SRBD1: variants seen among roughly 807,000 people sequenced by gnomAD.
SRBD1 encodes the protein S1 RNA binding domain 1.
A neutral mutation model predicts 115.3 loss-of-function variants in SRBD1; 88 were observed. The ratio of observed to expected loss-of-function variants is 0.76; its 90% CI spans 0.64 to 0.91. The LOEUF is 0.91. Among genes scored for constraint, SRBD1 ranks in the 40% least tolerant of loss-of-function variants. The pLI, the probability that SRBD1 is intolerant of heterozygous loss-of-function variation, is 0.00. For missense variants in SRBD1, 1,385 were observed against 1,177.4 expected, an observed-to-expected ratio of 1.18 and a Z score of -2.58; for synonymous variants, 509 against 407.7, an observed-to-expected ratio of 1.25 and a Z score of -2.99.
intron 14 of SRBD1, among the ~76,000 whole-genome samples, chr2:45,522,398 G>C (rs1671313787): frequency 6.6e-6 from 1 of 151,992 alleles, no homozygotes; most frequent in Non-Finnish European, 1.5e-5. Context: ...AGCTAATCTA[G>C]AGCTCCTGGG....
chr2:45,468,571 T>C (rs1669560026), intron 16 of SRBD1, among the ~76,000 whole-genome samples: 1 of 152,008 alleles, frequency 6.6e-6, no homozygotes, highest in Non-Finnish European at 1.5e-5. Flanking sequence ...TACTTTTTTG[T>C]AGAGATGACG....
At chr2:45,489,993 A>G (rs1378470210) in intron 14 of SRBD1, among the ~76,000 whole-genome samples, 2 of 152,190 alleles carry the variant, frequency 1.3e-5, no homozygotes, top group Non-Finnish European at 2.9e-5. Flanking sequence ...TGAATTGTTT[A>G]CTTATCTAAA....
chr2:45,428,514 G>A (rs1314763415), intron 16 of SRBD1, among the ~76,000 whole-genome samples: 1 of 151,842 alleles, frequency 6.6e-6, no homozygotes, highest in Non-Finnish European at 1.5e-5. Context: ...CTGCGCCACT[G>A]CACCTCCAGC....
At chr2:45,545,927 T>C (rs1405573339) in intron 14 of SRBD1, among the ~76,000 whole-genome samples, 2 of 152,234 alleles carry the variant, frequency 1.3e-5, no homozygotes, top group Non-Finnish European at 1.5e-5. Context: ...TGTTACTTTG[T>C]TGATCCTGTC....
At chr2:45,416,476 C>T (rs574185037) in intron 18 of SRBD1, among the ~76,000 whole-genome samples, 25 of 152,238 alleles carry the variant, frequency 1.6e-4, no homozygotes, top group Non-Finnish European at 2.9e-5. Context: ...GACTAAATTA[C>T]AGCCCATCCA....
chr2:45,535,378 G>A (rs192995393), intron 14 of SRBD1, among the ~76,000 whole-genome samples: 1 of 152,124 alleles, frequency 6.6e-6, no homozygotes, highest in Non-Finnish European at 1.5e-5. Context: ...GCATGGTGAT[G>A]TCCAGTGGTT....
chr2:45,558,369 G>A (rs547806115), intron 10 of SRBD1, among the ~76,000 whole-genome samples: 2 of 152,252 alleles, frequency 1.3e-5, no homozygotes, highest in South Asian at 4.1e-4. Context: ...AGCAAATGCA[G>A]AAACTTAAAT....
At chr2:45,396,024 G>A (rs1039601287) in intron 19 of SRBD1, among the ~76,000 whole-genome samples, 1 of 152,078 alleles carries the variant, frequency 6.6e-6, no homozygotes, top group Non-Finnish European at 1.5e-5. Context: ...TTGGCATACA[G>A]AAGTGAACAG....
chr2:45,448,544 A>ATC (rs1558402110), intron 16 of SRBD1, among the ~76,000 whole-genome samples: 1 of 152,200 alleles, frequency 6.6e-6, no homozygotes, highest in Non-Finnish European at 1.5e-5. Context: ...TCGAAATCAC[A>ATC]CAGGCACAAG....
At chr2:45,519,742 C>T (rs529432796) in intron 14 of SRBD1, among the ~76,000 whole-genome samples, 4 of 152,126 alleles carry the variant, frequency 2.6e-5, no homozygotes, top group Admixed American at 2.6e-4. Flanking sequence ...ATCTTTGATG[C>T]TTGTTAAATG....
At chr2:45,397,564 G>C (rs547386267) in intron 19 of SRBD1, among the ~76,000 whole-genome samples, 82 of 152,192 alleles carry the variant, frequency 5.4e-4, no homozygotes, top group African/African-American at 1.8e-3. Context: ...CAAATCAAAG[G>C]GACAGCAATG....
intron 20 of SRBD1, among the ~76,000 whole-genome samples, chr2:45,391,068 TTCTCTC>T (rs756537276): frequency 2.6e-5 from 4 of 152,016 alleles, no homozygotes; most frequent in Non-Finnish European, 5.9e-5. Context: ...TGGAAATTCT[TTCTCTC>T]TCTCTCTTTT....
chr2:45,546,671 C>T (rs1401616415), intron 14 of SRBD1, 61 bp downstream of exon 14: 2 of 1,522,018 alleles, frequency 1.3e-6, no homozygotes, highest in Non-Finnish European at 9.1e-7. Context: ...GGATTCATCA[C>T]AAAAGCAACT....
chr2:45,445,703 T>C (rs942349165), intron 16 of SRBD1, among the ~76,000 whole-genome samples: 5 of 152,216 alleles, frequency 3.3e-5, no homozygotes, highest in Non-Finnish European at 2.9e-5. Context: ...GAGTCCATCA[T>C]TGTTTTAATA....
chr2:45,427,122 GCTAA>G (rs1668177784), intron 16 of SRBD1, among the ~76,000 whole-genome samples: 2 of 152,184 alleles, frequency 1.3e-5, no homozygotes, highest in South Asian at 2.1e-4. Flanking sequence ...TAGAGGAATT[GCTAA>G]CTAAAGGAAA....
chr2:45,535,465 A>C (rs1355848596), intron 14 of SRBD1, among the ~76,000 whole-genome samples: 2 of 152,008 alleles, frequency 1.3e-5, no homozygotes, highest in African/African-American at 2.4e-5. Flanking sequence ...TACCTGTCCA[A>C]GATTACACTC....
intron 19 of SRBD1, among the ~76,000 whole-genome samples, chr2:45,405,698 T>A (rs945232921): frequency 6.6e-6 from 1 of 151,908 alleles, no homozygotes; most frequent in Non-Finnish European, 1.5e-5. Flanking sequence ...AGAGACAACA[T>A]AAAAGTCATG....
chr2:45,414,730 A>C (rs1372746649), intron 18 of SRBD1, among the ~76,000 whole-genome samples: 12 of 125,872 alleles, frequency 9.5e-5, no homozygotes, highest in African/African-American at 4.3e-4. Flanking sequence ...ACACACACAC[A>C]GTGTGTATAT....
chr2:45,598,110 C>A (rs1430594763), intron 4 of SRBD1, among the ~76,000 whole-genome samples: 1 of 152,224 alleles, frequency 6.6e-6, no homozygotes, highest in South Asian at 2.1e-4. Context: ...CAGGGTGAAT[C>A]TGATGCAGGT....
Sources: gnomAD v4.1 joint callset for allele counts (sites outside exome capture counted in the v4.1 genomes callset) on GRCh38, gnomAD v4.1.1 for gene constraint, MANE v1.5 for transcripts, NCBI Gene and HGNC (gene_info 2026-07-23, HGNC 2026-07-21) for gene names.